GSG1L: variants seen among roughly 807,000 people sequenced by gnomAD.
GSG1L encodes the protein germ cell-specific gene 1-like protein.
GSG1L carries 24 observed loss-of-function variants against 42.1 expected under a neutral mutation model. The ratio of observed to expected loss-of-function variants is 0.57; its 90% CI spans 0.41 to 0.80. GSG1L has a LOEUF of 0.80. Among genes scored for constraint, GSG1L ranks in the 30% least tolerant of loss-of-function variants. The pLI, the probability that GSG1L is intolerant of heterozygous loss-of-function variation, is 0.00. For missense variants in GSG1L, 445 were observed against 472.2 expected (o/e 0.94, Z 0.53); for synonymous variants, 215 against 203.5 (o/e 1.06, Z -0.48).
At chr16:27,967,522 G>A (rs1214507333) in intron 1 of GSG1L, among the ~76,000 whole-genome samples, 1 of 152,200 alleles carries the variant, frequency 6.6e-6, no homozygotes, top group Non-Finnish European at 1.5e-5. Context: ...ATAAGGCCCA[G>A]GGCAGCTGAG....
chr16:27,884,110 A>G lies in GSG1L; in HGVS notation c.550+376T>C, dbSNP rs541376107. The stretch of plus-strand genomic sequence containing the variant: ...CTTTTACATCCCAGGGAAAGGCGGC[A>G]CAGTCAGCCTATTCTGCACAACCGC... On this transcript the variant is annotated intron_variant, in intron 3 of 6. Transcript: ENST00000447459. This position sits in a 1 kb window ranked among gnomAD's most constrained non-coding sequence, Gnocchi z 4.4. Among the ~76,000 whole-genome samples the G allele has an allele frequency of 2.6e-5, 4 of 152,178 alleles. No homozygotes were observed. The highest frequency in any genetic ancestry group is 5.9e-5 in the Non-Finnish European group (4 of 68,024).
intron 1 of GSG1L, among the ~76,000 whole-genome samples, chr16:27,989,052 C>CAA (rs560236316): frequency 0.3 from 24,703 of 81,660 alleles, 2,676 homozygotes; most frequent in South Asian, 0.44. Flanking sequence ...GACTCTGTCT[C>CAA]AAAAAAAAAA....
Position 28,024,980 on chromosome 16 carries a change from A to T in GSG1L, c.349+38096T>A, listed in dbSNP as rs2085884100. Among the ~76,000 whole-genome samples the T allele has an allele frequency of 2.6e-5, 4 of 152,306 alleles. 1 individual carries two copies. In the South Asian group the frequency reaches 8.3e-4, roughly 32 times the overall value. ...TAGGTGCTCAATAAATGGGAGTGTT[A>T]CCATCACAGCTGTCTGATTTATTTC... On this transcript the variant is annotated intron_variant, in intron 1 of 6. Coordinates refer to ENST00000447459, the MANE Select transcript of GSG1L (RefSeq NM_001109763.2).
intron 2 of GSG1L, among the ~76,000 whole-genome samples, chr16:27,915,095 C>T (rs2084437354): frequency 1.3e-5 from 2 of 152,004 alleles, no homozygotes; most frequent in Non-Finnish European, 1.5e-5. Flanking sequence ...AAGCCGCTAC[C>T]AAGCAGGTAT....
At chr16:27,923,524 C>A (rs974739494) in intron 2 of GSG1L, among the ~76,000 whole-genome samples, 1 of 152,140 alleles carries the variant, frequency 6.6e-6, no homozygotes, top group Non-Finnish European at 1.5e-5. Context: ...GCAGGCAGAT[C>A]GTTTGAGACC....
At chr16:27,808,767 G>T (rs2082997129) in intron 5 of GSG1L, among the ~76,000 whole-genome samples, 1 of 152,186 alleles carries the variant, frequency 6.6e-6, no homozygotes, top group Non-Finnish European at 1.5e-5. Context: ...ACCAACAATT[G>T]CAAGAGCTTC....
In GSG1L at chr16:27,980,914, A is replaced by AG. The variant is rs1417189634; in HGVS notation, c.350-17712_350-17711insC. 8.6e-4 allele frequency among the ~76,000 whole-genome samples: 130 copies of AG among 151,628 alleles called. 1 individual carries two copies. Among genetic ancestry groups the AG allele is most frequent in the African/African-American group, 2.7e-3 (111 of 41,364 alleles). ...AAAACCAAAAAACAAAAAAAAAAAA[A>AG]AAAGAAAGAAAGAAAAAAAGAAACT... On this transcript the variant is annotated intron_variant, in intron 1 of 6. Coordinates refer to ENST00000447459, the MANE Select transcript of GSG1L (RefSeq NM_001109763.2).
intron 1 of GSG1L, among the ~76,000 whole-genome samples, chr16:28,025,867 C>T (rs1385205820): frequency 6.6e-6 from 1 of 152,180 alleles, no homozygotes; most frequent in Non-Finnish European, 1.5e-5. Flanking sequence ...AAATGTGACC[C>T]AGAGCCCAGG....
chr16:27,892,155 T>C (rs79488227), intron 2 of GSG1L, among the ~76,000 whole-genome samples: 10,209 of 152,034 alleles, frequency 0.067, 651 homozygotes, highest in East Asian at 0.16. Context: ...CATTTTTAAA[T>C]GTACATGTAA....
At chr16:27,973,439 C>CAAAAAAAAAAAA (rs71140935) in intron 1 of GSG1L, among the ~76,000 whole-genome samples, 33 of 29,854 alleles carry the variant, frequency 1.1e-3, no homozygotes, top group Non-Finnish European at 1.6e-3. Flanking sequence ...GACCCCATCA[C>CAAAAAAAAAAAA]AAAAAAAAAA....
chr16:28,018,957 T>G (rs2085809289), intron 1 of GSG1L, among the ~76,000 whole-genome samples: 1 of 151,946 alleles, frequency 6.6e-6, no homozygotes, highest in African/African-American at 2.4e-5. Context: ...CAGCAAATGC[T>G]CCCCACTGCC....
At chr16:28,023,182 T>C (rs1459401292) in intron 1 of GSG1L, among the ~76,000 whole-genome samples, 1 of 152,158 alleles carries the variant, frequency 6.6e-6, no homozygotes. Context: ...ATACAAAATA[T>C]TGTTCTGTTT....
intron 5 of GSG1L, among the ~76,000 whole-genome samples, chr16:27,826,656 C>T (rs796918140): frequency 2.6e-5 from 4 of 152,272 alleles, no homozygotes; most frequent in African/African-American, 7.2e-5. Flanking sequence ...CATGGCAGAG[C>T]GTGCCCCAGG....
chr16:27,898,693 TCTC>T (rs2141039884), intron 2 of GSG1L, among the ~76,000 whole-genome samples: 1 of 151,612 alleles, frequency 6.6e-6, no homozygotes, highest in African/African-American at 2.4e-5. Flanking sequence ...TCTCTCTCTC[TCTC>T]TGTCTCTCTC....
chr16:28,018,358 C>T (rs1346992882), intron 1 of GSG1L, among the ~76,000 whole-genome samples: 1 of 152,220 alleles, frequency 6.6e-6, no homozygotes, highest in East Asian at 1.9e-4. Context: ...CTCCTAGAGG[C>T]ACAAGATGGC....
intron 3 of GSG1L, among the ~76,000 whole-genome samples, chr16:27,847,937 C>T (rs2083462457): frequency 6.6e-6 from 1 of 152,222 alleles, no homozygotes; most frequent in Admixed American, 6.5e-5. Context: ...GTTACCCAGT[C>T]TCAGGTAGTT....
chr16:27,827,883 CAT>C (rs2083229772), intron 5 of GSG1L, among the ~76,000 whole-genome samples: 1 of 116,832 alleles, frequency 8.6e-6, no homozygotes, highest in South Asian at 2.6e-4. Context: ...TCCATCCATC[CAT>C]CCATCCATCC....
chr16:27,882,189 C>T (rs538100267), intron 3 of GSG1L, among the ~76,000 whole-genome samples: 3 of 152,278 alleles, frequency 2.0e-5, no homozygotes, highest in Admixed American at 2.0e-4. Context: ...GAGCAGTTCC[C>T]CTGCACATGC....
At chr16:27,807,822 G>GA (rs1273095031) in intron 5 of GSG1L, among the ~76,000 whole-genome samples, 1 of 152,176 alleles carries the variant, frequency 6.6e-6, no homozygotes, top group Non-Finnish European at 1.5e-5. Context: ...GGCAGAATAG[G>GA]AAGGCAAACC....
Sources: gnomAD v4.1 joint callset for allele counts (sites outside exome capture counted in the v4.1 genomes callset) on GRCh38, gnomAD v4.1.1 for gene constraint, Gnocchi (gnomAD v3.1) non-coding constraint, MANE v1.5 for transcripts, NCBI Gene and HGNC (gene_info 2026-07-23, HGNC 2026-07-21) for gene names.